Variants in PTPRM observed in about 807,000 individuals in gnomAD.
The protein encoded by PTPRM is receptor-type tyrosine-protein phosphatase mu.
PTPRM carries 47 observed loss-of-function variants against 186.7 expected under a neutral mutation model. That is an observed-to-expected ratio of 0.25 (90% CI 0.20 to 0.32). PTPRM has a LOEUF of 0.32. PTPRM is among the 10% of genes least tolerant of loss of function. PTPRM has a pLI of 1.00. For missense variants in PTPRM, 1,494 were observed against 1,865.0 expected (o/e 0.80, Z 3.66); for synonymous variants, 668 against 674.9 (o/e 0.99, Z 0.16).
intron 1 of PTPRM, among the ~76,000 whole-genome samples, chr18:7,705,309 A>ATCTGTCTGTCTGTCTGTCTG (rs1568040993): frequency 1.6e-4 from 23 of 146,882 alleles, no homozygotes; most frequent in African/African-American, 5.4e-4. Flanking sequence ...CTATCTATCT[A>ATCTGTCTGTCTGTCTGTCTG]TCTATCTATC....
intron 2 of PTPRM, among the ~76,000 whole-genome samples, chr18:7,860,847 G>A (rs779366745): frequency 2.6e-5 from 4 of 152,186 alleles, no homozygotes; most frequent in Non-Finnish European, 5.9e-5. Flanking sequence ...CAGCTTTCCT[G>A]TCTTTGTAGA....
At chr18:8,202,471 T>G (rs113292752) in intron 14 of PTPRM, among the ~76,000 whole-genome samples, 11 of 152,328 alleles carry the variant, frequency 7.2e-5, no homozygotes, top group African/African-American at 2.6e-4. Flanking sequence ...ACTTTTTGCC[T>G]ATGGCATGCA....
intron 24 of PTPRM, among the ~76,000 whole-genome samples, chr18:8,372,431 T>C (rs1310659126): frequency 2.0e-5 from 3 of 152,198 alleles, no homozygotes; most frequent in Non-Finnish European, 4.4e-5. Flanking sequence ...AGACCAGTTT[T>C]AGGAAATCAA....
At chr18:7,600,600 C>T (rs145473116) in intron 1 of PTPRM, among the ~76,000 whole-genome samples, 274 of 152,338 alleles carry the variant, frequency 1.8e-3, no homozygotes, top group African/African-American at 6.3e-3. Context: ...CCACCTTGTG[C>T]GTTGTCTCTA....
chr18:8,175,410 T>C (rs956880173), intron 14 of PTPRM, among the ~76,000 whole-genome samples: 1 of 152,206 alleles, frequency 6.6e-6, no homozygotes, highest in Non-Finnish European at 1.5e-5. Flanking sequence ...TTTGAGGTTT[T>C]AGACAAAAAA....
intron 22 of PTPRM, among the ~76,000 whole-genome samples, chr18:8,323,038 AGGCT>A (rs2095355188): frequency 6.6e-6 from 1 of 152,048 alleles, no homozygotes; most frequent in Non-Finnish European, 1.5e-5. Context: ...TGTGTTGTCC[AGGCT>A]GGTCTCAGAC....
At position 8,035,642 on chromosome 18, in the gene PTPRM, G is replaced by C. The variant is rs1202481916; in HGVS notation, c.1133-34044G>C. ...CGCAGATGCAGAAATTGCAGATACG[G>C]AGGGCTGACTGTACCTATAAAAAGA... On this transcript the variant is annotated intron_variant, in intron 7 of 32. Transcript: ENST00000580170. Among the ~76,000 whole-genome samples, 309 of 152,226 alleles carry C rather than the reference G, an allele frequency of 2.0e-3. 4 individuals carry two copies. The highest frequency in any genetic ancestry group is 7.1e-3 in the African/African-American group (295 of 41,536).
At chr18:7,930,545 A>T (rs1042819295) in intron 5 of PTPRM, among the ~76,000 whole-genome samples, 1 of 151,694 alleles carries the variant, frequency 6.6e-6, no homozygotes, top group Non-Finnish European at 1.5e-5. Flanking sequence ...CAATAATACA[A>T]CTCTGTTTAT....
intron 2 of PTPRM, among the ~76,000 whole-genome samples, chr18:7,865,733 T>C (rs1181240587): frequency 6.6e-6 from 1 of 152,170 alleles, no homozygotes; most frequent in Non-Finnish European, 1.5e-5. Flanking sequence ...TCTTTTTCTC[T>C]TGTTTGGAAT....
rs1344781631 is a variant in PTPRM at position 8,031,984 on chromosome 18, G to A, written c.1133-37702G>A. 3.3e-5 allele frequency among the ~76,000 whole-genome samples: 5 copies of A among 152,262 alleles called. No homozygotes were observed. The South Asian group carries it at 8.3e-4, about 25-fold the overall frequency. On this transcript the variant is annotated intron_variant, in intron 7 of 32. Coordinates refer to ENST00000580170, the MANE Select transcript of PTPRM (RefSeq NM_001105244.2). ...AAGGATGCACAGTTATTCAGTATTA[G>A]GGAACTATTTGTCTATTCAATAAAT...
chr18:7,928,369 C>T (rs145355179), intron 5 of PTPRM, among the ~76,000 whole-genome samples: 349 of 152,196 alleles, frequency 2.3e-3, no homozygotes, highest in African/African-American at 7.5e-3. Context: ...AACTGTCCTC[C>T]GTATTCAAAT....
chr18:8,230,147 A>G (rs531533495), intron 14 of PTPRM, among the ~76,000 whole-genome samples: 2 of 152,304 alleles, frequency 1.3e-5, no homozygotes, highest in Admixed American at 6.5e-5. Context: ...ATATAACCCC[A>G]TGGTGTAAAG....
intron 19 of PTPRM, among the ~76,000 whole-genome samples, chr18:8,253,660 G>GTTT (rs1290887504): frequency 2.6e-5 from 4 of 152,150 alleles, no homozygotes; most frequent in African/African-American, 4.8e-5. Flanking sequence ...AGATCCATGG[G>GTTT]TTTTGCATCT....
intron 13 of PTPRM, among the ~76,000 whole-genome samples, chr18:8,141,352 A>G (rs1255613481): frequency 6.6e-6 from 1 of 152,148 alleles, no homozygotes; most frequent in Non-Finnish European, 1.5e-5. Context: ...TCACGTTGCA[A>G]CTGTGTCAGG....
At chr18:7,894,570 A>T (rs919150699) in intron 3 of PTPRM, among the ~76,000 whole-genome samples, 2 of 152,010 alleles carry the variant, frequency 1.3e-5, no homozygotes, top group African/African-American at 4.8e-5. Flanking sequence ...TAGGGGGCAG[A>T]GCAAGACTCC....
intron 7 of PTPRM, among the ~76,000 whole-genome samples, chr18:7,985,528 C>T (rs978378459): frequency 2.7e-5 from 4 of 147,972 alleles, no homozygotes; most frequent in East Asian, 4.0e-4. Flanking sequence ...CTGGTAGATA[C>T]GTATATAAAT....
At chr18:7,696,415 C>T (rs1240020884) in intron 1 of PTPRM, among the ~76,000 whole-genome samples, 1 of 152,074 alleles carries the variant, frequency 6.6e-6, no homozygotes, top group Non-Finnish European at 1.5e-5. Context: ...ATATATGATA[C>T]TCTGTTGTAT....
At chr18:8,259,678 C>G (rs1337944215) in intron 19 of PTPRM, among the ~76,000 whole-genome samples, 1 of 151,924 alleles carries the variant, frequency 6.6e-6, no homozygotes, top group Admixed American at 6.6e-5. Flanking sequence ...TAGTCTCACT[C>G]TGTGGCCCAC....
At chr18:7,742,079 T>G (rs550101661) in intron 1 of PTPRM, 92 of 152,324 alleles carry the variant, frequency 6.0e-4, no homozygotes, top group African/African-American at 2.2e-3. Flanking sequence ...AGACAAGATG[T>G]GGGTGTATGA....
Sources: gnomAD v4.1 joint callset for allele counts (sites outside exome capture counted in the v4.1 genomes callset) on GRCh38, gnomAD v4.1.1 for gene constraint, MANE v1.5 for transcripts, NCBI Gene and HGNC (gene_info 2026-07-23, HGNC 2026-07-21) for gene names.